PFDN4: variants seen among roughly 807,000 people sequenced by gnomAD.
PFDN4 encodes prefoldin subunit 4, also known as prefoldin 4.
PFDN4 carries 6 observed loss-of-function variants against 17.6 expected under a neutral mutation model. The observed-to-expected ratio is 0.34, with a 90% CI of 0.19 to 0.67. PFDN4 has a LOEUF of 0.67. PFDN4 is among the 30% of genes least tolerant of loss of function. The pLI is 0.68. For missense variants in PFDN4, 119 were observed against 158.4 expected, an observed-to-expected ratio of 0.75 and a Z score of 1.33; for synonymous variants, 48 against 51.1, an observed-to-expected ratio of 0.94 and a Z score of 0.26.
At chr20:54,217,164 C>CT (rs1483198538) in intron 3 of PFDN4, among the ~76,000 whole-genome samples, 4 of 151,050 alleles carry the variant, frequency 2.6e-5, no homozygotes, top group Non-Finnish European at 5.9e-5. Flanking sequence ...ATAGAGGTGG[C>CT]TTTAAGAACA....
Position 54,215,315 on chromosome 20 carries a change from C to A in PFDN4, c.148C>A (p.Leu50Ile). The A allele has an allele frequency of 1.3e-6, 2 of 1,586,662 alleles. No homozygotes were observed. Among genetic ancestry groups the A allele is most frequent in the South Asian group, 1.2e-5 (1 of 84,918 alleles). Residue 50 changes from leucine (L) to isoleucine (I), a missense_variant, in exon 3 of 4, where the codon CTA (leucine) becomes ATA (isoleucine). Leu to Ile is a conservative substitution (Grantham distance 5). Coordinates refer to ENST00000371419, the MANE Select transcript of PFDN4 (RefSeq NM_002623.4). ...IEVKKKQLQN[L>I]EDACDDIMLA... ...GCATTTATAGAAACAACTCCAAAAC[C>A]TAGAAGATGCTTGTGATGACATCAT...
chr20:54,219,429 TA>T lies in PFDN4; in HGVS notation c.*280del, dbSNP rs1601179431. The T allele has an allele frequency of 5.5e-6, 2 of 363,310 alleles. No individual in the cohort carries two copies. The allele number at this position is 363,310 out of a possible 1,614,324, so 22.5% of individuals were successfully genotyped here. On this transcript the variant is annotated 3_prime_UTR_variant, in exon 4 of 4. Coordinates refer to ENST00000371419, the MANE Select transcript of PFDN4 (RefSeq NM_002623.4). ...TAAGCAATCTTTTATGTTTCTATAT[TA>T]TTTAGAATATTTGTTGTTGCAATTT...
chr20:54,216,633 C>CTTTTA (rs754681521), intron 3 of PFDN4, among the ~76,000 whole-genome samples: 3 of 151,852 alleles, frequency 2.0e-5, no homozygotes, highest in Admixed American at 6.6e-5. Flanking sequence ...AGCTACTGAA[C>CTTTTA]TTTTATTTTA....
Position 54,219,119 on chromosome 20 carries a change from G to A in PFDN4, c.374G>A (p.Ser125Asn). Reference sequence around the variant, plus strand: ...GTTCAGTTGTATGCAAAATTCGGGAGCAACATAAACCTTGAAGCTGATGAA... The same window carrying A: ...GTTCAGTTGTATGCAAAATTCGGGAACAACATAAACCTTGAAGCTGATGAA... ...LKVQLYAKFG[S>N]NINLEADES The change falls in exon 4 of 4, where the codon AGC (serine) becomes AAC (asparagine). Residue 125 changes from serine (S) to asparagine (N), a missense_variant. Around this residue, in one of 3 missense-constraint regions of PFDN4, gnomAD observed 81 missense variants for 111.7 expected, o/e 0.73. Coordinates refer to ENST00000371419, the MANE Select transcript of PFDN4 (RefSeq NM_002623.4). The A allele has an allele frequency of 1.3e-6, 2 of 1,585,396 alleles. No homozygotes were observed. Among genetic ancestry groups the A allele is most frequent in the Non-Finnish European group, 1.7e-6 (2 of 1,162,328 alleles).
In PFDN4 at chr20:54,218,491, A is replaced by G. The variant is rs544346548; in HGVS notation, c.274-528A>G. On this transcript the variant is annotated intron_variant, in intron 3 of 3. Transcript: ENST00000371419. The stretch of plus-strand genomic sequence containing the variant: ...GAAAATATCTGAGTTTTCACTGGGC[A>G]AAGCTGCTCTTTCTTACAAATGAGG... 2.0e-5 allele frequency among the ~76,000 whole-genome samples: 3 copies of G among 152,338 alleles called. No individual in the cohort carries two copies. The South Asian group carries it at 6.2e-4, about 32-fold the overall frequency.
intron 3 of PFDN4, among the ~76,000 whole-genome samples, chr20:54,218,103 T>A (rs1268758787): frequency 1.3e-5 from 2 of 152,086 alleles, no homozygotes; most frequent in Non-Finnish European, 2.9e-5. Flanking sequence ...ATTTGGTTTG[T>A]GTGATTTCAT....
chr20:54,216,920 C>T (rs988820468), intron 3 of PFDN4, among the ~76,000 whole-genome samples: 15 of 152,166 alleles, frequency 9.9e-5, no homozygotes, highest in African/African-American at 3.6e-4. Context: ...CTCAGCCTCC[C>T]AAAGTGCTGG....
intron 1 of PFDN4, among the ~76,000 whole-genome samples, chr20:54,209,776 T>A (rs950475724): frequency 5.3e-5 from 8 of 152,202 alleles, no homozygotes; most frequent in Non-Finnish European, 1.0e-4. Context: ...TTTTTTTTCC[T>A]TTCATTGATT....
intron 2 of PFDN4, 116 bp downstream of exon 2, chr20:54,214,574 GC>G: frequency 1.8e-6 from 1 of 568,240 alleles, no homozygotes; most frequent in Non-Finnish European, 3.1e-6. Context: ...GATGAATGAC[GC>G]GATCCACTCT....
chr20:54,210,063 G>C (rs976039188), intron 1 of PFDN4, among the ~76,000 whole-genome samples: 1 of 152,222 alleles, frequency 6.6e-6, no homozygotes, highest in Non-Finnish European at 1.5e-5. Context: ...GTTGAGATCT[G>C]TGAGATTATG....
At position 54,214,475 on chromosome 20, in the gene PFDN4, T is replaced by C; in HGVS notation, c.132+17T>C. 8.0e-7 allele frequency: 1 copy of C among 1,248,364 alleles called. No homozygotes were observed. Among genetic ancestry groups the C allele is most frequent in the Non-Finnish European group, 1.1e-6 (1 of 884,642 alleles). The allele number at this position is 1,248,364 out of a possible 1,614,324, so 77.3% of individuals were successfully genotyped here. On this transcript the variant is annotated intron_variant, in intron 2 of 3. Coordinates refer to ENST00000371419, the MANE Select transcript of PFDN4 (RefSeq NM_002623.4). The stretch of plus-strand genomic sequence containing the variant: ...GTAAAAAAGGTATTGAAAATAATTA[T>C]TAGAAGAATAAAATTTTTTTATACT...
intron 3 of PFDN4, among the ~76,000 whole-genome samples, chr20:54,216,763 TCTC>T (rs1223364828): frequency 3.3e-5 from 5 of 152,068 alleles, no homozygotes; most frequent in African/African-American, 7.2e-5. Context: ...TTCAAACAAT[TCTC>T]CTGCCTCAGC....
At chr20:54,215,201 G>T (rs1241121896) in intron 2 of PFDN4, 99 bp from the exon 3 acceptor site, 5 of 763,466 alleles carry the variant, frequency 6.5e-6, no homozygotes, top group Non-Finnish European at 1.1e-5. Context: ...ACCTTTGTGA[G>T]AGGGTCCCTC....
chr20:54,210,131 CAG>C (rs1358848984), intron 1 of PFDN4, among the ~76,000 whole-genome samples: 1 of 152,166 alleles, frequency 6.6e-6, no homozygotes, highest in African/African-American at 2.4e-5. Flanking sequence ...GGAGTATCTG[CAG>C]AGACTCTGAG....
intron 1 of PFDN4, among the ~76,000 whole-genome samples, chr20:54,211,173 A>G (rs1460769653): frequency 6.6e-6 from 1 of 152,210 alleles, no homozygotes; most frequent in Non-Finnish European, 1.5e-5. Context: ...TTTAAAAGTA[A>G]AAATAAAAGA....
rs1345956092 is a variant in PFDN4, at chr20:54,215,745, T to C, written c.273+305T>C. On this transcript the variant is annotated intron_variant, in intron 3 of 3. Coordinates refer to ENST00000371419, the MANE Select transcript of PFDN4 (RefSeq NM_002623.4). The stretch of plus-strand genomic sequence containing the variant: ...CTAAAAGTATTTAGAAGGTATAGCA[T>C]ATATTGAAGCAGAAAAGAAAAATCC... 3.9e-5 allele frequency among the ~76,000 whole-genome samples: 6 copies of C among 152,368 alleles called. No homozygotes were observed. In the South Asian group the frequency reaches 8.3e-4, roughly 21 times the overall value.
intron 3 of PFDN4, among the ~76,000 whole-genome samples, chr20:54,216,145 G>A (rs1452716167): frequency 6.6e-6 from 1 of 152,052 alleles, no homozygotes; most frequent in Non-Finnish European, 1.5e-5. Context: ...ATTGTTTTGA[G>A]GAAATAATTA....
At chr20:54,215,474 A>G (rs777642554) in intron 3 of PFDN4, 34 bp downstream of exon 3, 6 of 1,388,670 alleles carry the variant, frequency 4.3e-6, no homozygotes, top group African/African-American at 2.9e-5. Context: ...ATTAGAATTT[A>G]TATCACTATA....
chr20:54,213,594 T>A (rs1475357667), intron 1 of PFDN4, among the ~76,000 whole-genome samples: 1 of 152,220 alleles, frequency 6.6e-6, no homozygotes, highest in Non-Finnish European at 1.5e-5. Context: ...AAAATAGTGC[T>A]GGTGATCCTC....
Sources: allele counts gnomAD v4.1 joint callset (sites outside exome capture counted in the v4.1 genomes callset), GRCh38; gene constraint gnomAD v4.1.1; regional missense constraint gnomAD v4.1.1; transcripts MANE v1.5; gene names NCBI Gene and HGNC (gene_info 2026-07-23, HGNC 2026-07-21).